The following KLHL8 variants were observed in gnomAD, a reference collection of about 807,000 sequenced individuals.
KLHL8 encodes kelch like family member 8, also known as kelch-like protein 8.
KLHL8 carries 38 observed loss-of-function variants against 63.5 expected under a neutral mutation model. The observed-to-expected ratio is 0.60, with a 90% CI of 0.46 to 0.78. The LOEUF (loss-of-function observed/expected upper bound fraction) is 0.78, where lower values mean the gene tolerates loss of function less well. Ranked by LOEUF, KLHL8 falls within the 30% of genes least tolerant of loss-of-function variation. The probability of loss-of-function intolerance (pLI) is 0.00; values close to 1 mark genes in which losing one functional copy is unlikely to be tolerated. For synonymous variants in KLHL8, 224 were observed against 254.3 expected, an observed-to-expected ratio of 0.88 and a Z score of 1.13; for missense variants, 566 against 752.4, an observed-to-expected ratio of 0.75 and a Z score of 2.90.
intron 1 of KLHL8, chr4:87,207,179 G>T (rs553454924): frequency 1.8e-6 from 1 of 569,290 alleles, no homozygotes; most frequent in African/African-American, 1.9e-5. Flanking sequence ...GGATATTGTC[G>T]CCATCAATGA....
At chr4:87,176,206 G>C (rs1246081030) in intron 6 of KLHL8, among the ~76,000 whole-genome samples, 3 of 152,196 alleles carry the variant, frequency 2.0e-5, no homozygotes, top group Non-Finnish European at 4.4e-5. Context: ...TCTCAGCACT[G>C]GCATTTGGCA....
In KLHL8 at chr4:87,239,960, C is replaced by A. The variant is rs187237097; in HGVS notation, n.57+298G>T. On this transcript the variant is annotated intron_variant and non_coding_transcript_variant, in intron 1 of 1. Coordinates refer to the KLHL8 transcript ENST00000506274. ...ACCTTTGAGTTTCTATGATCTTAAC[C>A]CCCTCATCTGGTAGGCACTGATGGA... Among the ~76,000 whole-genome samples, 76 of 152,236 alleles carry A rather than the reference C, an allele frequency of 5.0e-4. 1 individual carries two copies. Among genetic ancestry groups the A allele is most frequent in the Non-Finnish European group, 1.5e-4 (10 of 68,008 alleles).
intron 1 of KLHL8, chr4:87,219,808 C>G (rs1732751264): frequency 6.6e-6 from 1 of 152,330 alleles, no homozygotes; most frequent in Non-Finnish European, 1.5e-5. Context: ...TCCACAAGGT[C>G]TACACCGCCG....
At chr4:87,235,919 G>T (rs1390913987) in intron 1 of KLHL8, among the ~76,000 whole-genome samples, 1 of 152,240 alleles carries the variant, frequency 6.6e-6, no homozygotes, top group Admixed American at 6.5e-5. Context: ...GCGGGGGAAG[G>T]GGGAATCGAA....
chr4:87,195,437 C>A lies in KLHL8; in HGVS notation c.103G>T (p.Asp35Tyr). Residue 35 changes from aspartate (D) to tyrosine (Y), a missense_variant, in exon 2 of 10, where the codon GAT becomes TAT. Asp to Tyr is a radical substitution (Grantham distance 160). Transcript: ENST00000273963. Reference sequence around the variant, plus strand: ...ATAAAGGAATCTTCTCCATCACCATCACTAATTGAGGATCTGTTCTTTATT... The same window carrying A: ...ATAAAGGAATCTTCTCCATCACCATAACTAATTGAGGATCTGTTCTTTATT... ...QQIKNRSSIS[D>Y]GDGEDSFIFE... The A allele has an allele frequency of 6.2e-7, 1 of 1,613,860 alleles. No homozygotes were observed. The highest frequency in any genetic ancestry group is 8.5e-7 in the Non-Finnish European group (1 of 1,179,830).
At chr4:87,177,359 T>G (rs1730867405) in intron 5 of KLHL8, among the ~76,000 whole-genome samples, 1 of 151,820 alleles carries the variant, frequency 6.6e-6, no homozygotes, top group African/African-American at 2.4e-5. Context: ...TACAAAATAT[T>G]ACCCGGGTGT....
At chr4:87,236,076 A>G (rs1437462523) in intron 1 of KLHL8, among the ~76,000 whole-genome samples, 1 of 152,230 alleles carries the variant, frequency 6.6e-6, no homozygotes, top group Non-Finnish European at 1.5e-5. Flanking sequence ...TCTTAAAGTA[A>G]GCCTTGACAC....
chr4:87,181,723 G>T (rs1242021085), intron 4 of KLHL8, among the ~76,000 whole-genome samples: 4 of 151,874 alleles, frequency 2.6e-5, no homozygotes, highest in Middle Eastern at 3.4e-3. Flanking sequence ...AGAATAAAAC[G>T]ACCTATTTCA....
intron 6 of KLHL8, among the ~76,000 whole-genome samples, chr4:87,172,381 C>T (rs913810470): frequency 6.6e-6 from 1 of 152,140 alleles, no homozygotes; most frequent in East Asian, 1.9e-4. Flanking sequence ...TTGATTCTGG[C>T]CTTGTGGGAC....
intron 6 of KLHL8, among the ~76,000 whole-genome samples, chr4:87,172,869 A>T (rs1472698421): frequency 6.6e-6 from 1 of 152,214 alleles, no homozygotes. Flanking sequence ...CTCTGAAAAG[A>T]GAAATCTGAT....
upstream of KLHL8, among the ~76,000 whole-genome samples, chr4:87,240,520 T>C (rs1414587147): frequency 3.9e-5 from 6 of 152,172 alleles, no homozygotes; most frequent in African/African-American, 1.2e-4. Context: ...TGCTTGCTTC[T>C]GTGTTAGGAA....
chr4:87,198,959 GA>G, intron 1 of KLHL8, among the ~76,000 whole-genome samples: 1 of 152,188 alleles, frequency 6.6e-6, no homozygotes, highest in East Asian at 1.9e-4. Context: ...GAAACTGGGT[GA>G]AGGAAACATA....
intron 1 of KLHL8, among the ~76,000 whole-genome samples, chr4:87,212,056 T>A (rs1218529720): frequency 2.0e-5 from 3 of 152,098 alleles, no homozygotes; most frequent in Non-Finnish European, 4.4e-5. Flanking sequence ...GGGAAAATGA[T>A]CAATGAGAAT....
At chr4:87,197,106 G>A (rs1731728031) in intron 1 of KLHL8, among the ~76,000 whole-genome samples, 1 of 152,134 alleles carries the variant, frequency 6.6e-6, no homozygotes. Flanking sequence ...AGTTATTAAT[G>A]CCTTCTTATG....
intron 1 of KLHL8, among the ~76,000 whole-genome samples, chr4:87,231,231 C>T (rs1180548102): frequency 3.3e-5 from 5 of 152,276 alleles, no homozygotes; most frequent in East Asian, 1.9e-4. Context: ...TCACCCTCCG[C>T]GGAATCTGTG....
At chr4:87,234,798 G>A (rs1485864026) in intron 1 of KLHL8, among the ~76,000 whole-genome samples, 1 of 152,146 alleles carries the variant, frequency 6.6e-6, no homozygotes. Flanking sequence ...ACTCCATGTG[G>A]GTTATTGCCC....
chr4:87,238,930 C>G (rs573450125), intron 1 of KLHL8, among the ~76,000 whole-genome samples: 1 of 152,152 alleles, frequency 6.6e-6, no homozygotes, highest in Non-Finnish European at 1.5e-5. Flanking sequence ...AATTAGCAGT[C>G]AAATTTACCA....
intron 5 of KLHL8, among the ~76,000 whole-genome samples, chr4:87,177,752 G>A (rs1056331419): frequency 5.9e-5 from 9 of 152,078 alleles, no homozygotes; most frequent in Admixed American, 1.3e-4. Flanking sequence ...GACCACAGGC[G>A]TGCACCACTA....
intron 1 of KLHL8, among the ~76,000 whole-genome samples, chr4:87,218,564 C>T (rs1241823649): frequency 6.6e-6 from 1 of 152,086 alleles, no homozygotes; most frequent in Non-Finnish European, 1.5e-5. Flanking sequence ...TAAAAAATAA[C>T]CCTCACTGAA....
Sources: gnomAD v4.1 joint callset for allele counts (sites outside exome capture counted in the v4.1 genomes callset) on GRCh38, gnomAD v4.1.1 for gene constraint, MANE v1.5 for transcripts, NCBI Gene and HGNC (gene_info 2026-07-23, HGNC 2026-07-21) for gene names.